The following ULK4 variants were observed in gnomAD, a reference collection of about 807,000 sequenced individuals.
ULK4 encodes the protein inactive serine/threonine-protein kinase ULK4.
ULK4 carries 133 observed loss-of-function variants against 160.6 expected under a neutral mutation model. That is an observed-to-expected ratio of 0.83 (90% CI 0.72 to 0.96). The LOEUF is 0.96. ULK4 is among the 40% of genes least tolerant of loss of function. The probability of loss-of-function intolerance (pLI) is 0.00; values close to 1 mark genes in which losing one functional copy is unlikely to be tolerated. For missense variants in ULK4, 1,580 were observed against 1,499.5 expected, an observed-to-expected ratio of 1.05 and a Z score of -0.89; for synonymous variants, 534 against 539.8, an observed-to-expected ratio of 0.99 and a Z score of 0.15.
chr3:41,595,152 T>G (rs994030495), intron 31 of ULK4, among the ~76,000 whole-genome samples: 1 of 151,576 alleles, frequency 6.6e-6, no homozygotes, highest in Non-Finnish European at 1.5e-5. Flanking sequence ...CTCAAAAGGG[T>G]TTAACTGAAA....
At chr3:41,807,272 G>T (rs993019675) in intron 19 of ULK4, among the ~76,000 whole-genome samples, 4 of 152,004 alleles carry the variant, frequency 2.6e-5, no homozygotes, top group Non-Finnish European at 5.9e-5. Flanking sequence ...TAAAGGAAGG[G>T]CAAAGAAAGA....
chr3:41,704,159 G>A (rs1285147121), intron 27 of ULK4, among the ~76,000 whole-genome samples: 3 of 152,108 alleles, frequency 2.0e-5, no homozygotes, highest in Non-Finnish European at 4.4e-5. Context: ...CTCTCTGCTG[G>A]GTTATGCTGT....
intron 5 of ULK4, among the ~76,000 whole-genome samples, chr3:41,921,794 C>T (rs1395089923): frequency 6.6e-6 from 1 of 152,162 alleles, no homozygotes; most frequent in East Asian, 1.9e-4. Context: ...AAGAAAACAA[C>T]ACTTCAGTAT....
At chr3:41,407,375 G>C (rs2082315324) in intron 34 of ULK4, among the ~76,000 whole-genome samples, 2 of 152,052 alleles carry the variant, frequency 1.3e-5, no homozygotes, top group South Asian at 4.2e-4. Context: ...GTACTACCCT[G>C]ATACCCCAAC....
intron 32 of ULK4, 108 bp downstream of exon 32, chr3:41,565,913 TTATC>T: frequency 1.4e-6 from 1 of 698,922 alleles, no homozygotes; most frequent in Non-Finnish European, 2.3e-6. Flanking sequence ...TTGAAAATTC[TTATC>T]TATTTTGACT....
chr3:41,947,318 C>A (rs1700142703), intron 2 of ULK4, among the ~76,000 whole-genome samples: 1 of 152,038 alleles, frequency 6.6e-6, no homozygotes, highest in South Asian at 2.1e-4. Flanking sequence ...AATTATGACA[C>A]CTGAAAGTGT....
chr3:41,279,065 A>C (rs2079289077), intron 35 of ULK4, among the ~76,000 whole-genome samples: 1 of 152,130 alleles, frequency 6.6e-6, no homozygotes, highest in Admixed American at 6.5e-5. Context: ...AGGTTACATG[A>C]ATGGCTAACT....
intron 35 of ULK4, among the ~76,000 whole-genome samples, chr3:41,384,624 A>G (rs1483481710): frequency 6.6e-6 from 1 of 151,960 alleles, no homozygotes; most frequent in Non-Finnish European, 1.5e-5. Flanking sequence ...TCGTTCTATC[A>G]CCCAGGCTGG....
chr3:41,782,211 T>C (rs2039866200), intron 21 of ULK4, among the ~76,000 whole-genome samples: 1 of 151,882 alleles, frequency 6.6e-6, no homozygotes, highest in Admixed American at 6.6e-5. Context: ...CTATCTGGCA[T>C]GCCTATTTTA....
chr3:41,540,345 T>C (rs2086652677), intron 32 of ULK4, among the ~76,000 whole-genome samples: 2 of 152,198 alleles, frequency 1.3e-5, no homozygotes, highest in South Asian at 4.1e-4. Context: ...GCTTAGTCCA[T>C]GTCCCTCCAA....
chr3:41,822,513 G>A (rs897937083), intron 18 of ULK4, among the ~76,000 whole-genome samples: 2 of 151,952 alleles, frequency 1.3e-5, no homozygotes, highest in Admixed American at 1.3e-4. Flanking sequence ...CACCTCCTAA[G>A]TTCAAGTAAT....
At chr3:41,396,194 C>T (rs1367530644) in intron 35 of ULK4, among the ~76,000 whole-genome samples, 2 of 151,990 alleles carry the variant, frequency 1.3e-5, no homozygotes, top group Non-Finnish European at 1.5e-5. Flanking sequence ...TCTTTATTTA[C>T]CCCTGCCTGG....
chr3:41,501,020 C>T (rs541371263), intron 32 of ULK4, among the ~76,000 whole-genome samples: 28 of 152,022 alleles, frequency 1.8e-4, no homozygotes, highest in Non-Finnish European at 3.5e-4. Flanking sequence ...ATCAATAGAC[C>T]TCAGGGCGAT....
intron 32 of ULK4, among the ~76,000 whole-genome samples, chr3:41,524,968 A>T (rs1575355555): frequency 6.6e-6 from 1 of 152,218 alleles, no homozygotes; most frequent in East Asian, 1.9e-4. Context: ...AAACAAACAA[A>T]CAAAACAAAG....
chr3:41,283,359 G>C (rs2079396275), intron 35 of ULK4, among the ~76,000 whole-genome samples: 1 of 152,154 alleles, frequency 6.6e-6, no homozygotes, highest in African/African-American at 2.4e-5. Context: ...TATGTTTATT[G>C]CCACACTATT....
At chr3:41,370,380 G>C (rs1387401547) in intron 35 of ULK4, among the ~76,000 whole-genome samples, 1 of 152,178 alleles carries the variant, frequency 6.6e-6, no homozygotes. Context: ...AATAGGAGCA[G>C]CTCTGGTCTG....
chr3:41,397,979 C>G, intron 35 of ULK4, 100 bp downstream of exon 35: 2 of 1,362,646 alleles, frequency 1.5e-6, no homozygotes, highest in Non-Finnish European at 2.0e-6. Flanking sequence ...CTTGCAAATT[C>G]TCTGTAAATT....
chr3:41,715,653 G>A, intron 23 of ULK4, 85 bp from the exon 24 acceptor site: 1 of 1,529,034 alleles, frequency 6.5e-7, no homozygotes. Context: ...ATACCCATGG[G>A]ACTTCTAAGG....
At chr3:41,675,741 AC>A (rs2035690579) in intron 29 of ULK4, among the ~76,000 whole-genome samples, 1 of 152,202 alleles carries the variant, frequency 6.6e-6, no homozygotes, top group African/African-American at 2.4e-5. Flanking sequence ...AAGCAGAAGC[AC>A]AAATTGGAGT....
Sources: allele counts gnomAD v4.1 joint callset (sites outside exome capture counted in the v4.1 genomes callset), GRCh38; gene constraint gnomAD v4.1.1; transcripts MANE v1.5; gene names NCBI Gene and HGNC (gene_info 2026-07-23, HGNC 2026-07-21).